The following CARD14 variants were observed in gnomAD, a reference collection of about 807,000 sequenced individuals.
CARD14 encodes the protein caspase recruitment domain family member 14.
Under a neutral mutation model 111.5 loss-of-function variants are expected in CARD14, and 107 were observed. The ratio of observed to expected loss-of-function variants is 0.96; its 90% CI spans 0.82 to 1.13. The LOEUF (loss-of-function observed/expected upper bound fraction) is 1.13. CARD14 is among the 50% of genes most tolerant of loss of function. The pLI, the probability that CARD14 is intolerant of heterozygous loss-of-function variation, is 0.00. For missense variants in CARD14, 1,322 were observed against 1,362.3 expected, an observed-to-expected ratio of 0.97 and a Z score of 0.47; for synonymous variants, 617 against 579.6, an observed-to-expected ratio of 1.06 and a Z score of -0.93.
chr17:80,205,732 G>C, intron 22 of CARD14, 80 bp downstream of exon 22: 1 of 1,402,894 alleles, frequency 7.1e-7, no homozygotes, highest in East Asian at 2.5e-5. Context: ...TGAGATAAAG[G>C]TACAGGGACC....
chr17:80,180,556 C>T (rs947093324), intron 4 of CARD14, among the ~76,000 whole-genome samples: 6 of 152,142 alleles, frequency 3.9e-5, no homozygotes, highest in South Asian at 2.1e-4. Flanking sequence ...CCACCTGCTG[C>T]GTAGTTGAAA....
chr17:80,205,674 G>T, intron 22 of CARD14, 22 bp downstream of exon 22: 1 of 1,518,346 alleles, frequency 6.6e-7, no homozygotes. Context: ...GGCGGGGTGG[G>T]CAGGGGAGCT....
In CARD14 at chr17:80,201,942, C is replaced by A; in HGVS notation, c.1978+72C>A. The A allele has an allele frequency of 6.6e-7, 1 of 1,512,362 alleles. No homozygotes were observed. Among genetic ancestry groups the A allele is most frequent in the South Asian group, 1.3e-5 (1 of 77,298 alleles). 93.7% of individuals were successfully genotyped at this position (1,512,362 alleles called of 1,614,324 possible). On this transcript the variant is annotated intron_variant, in intron 17 of 23. Transcript: ENST00000648509. The surrounding 1 kb of genome is among the most constrained non-coding windows in gnomAD (Gnocchi z 5.0). Reference sequence around the variant, plus strand: ...CATGACCCTTAAGTCCCTGGTGGTTCTTCTGCACGCCCAGCAGCCAGGGAC... The same window carrying A: ...CATGACCCTTAAGTCCCTGGTGGTTATTCTGCACGCCCAGCAGCCAGGGAC...
At chr17:80,176,991 G>T (rs1166415328) in intron 2 of CARD14, among the ~76,000 whole-genome samples, 1 of 152,148 alleles carries the variant, frequency 6.6e-6, no homozygotes, top group Non-Finnish European at 1.5e-5. Flanking sequence ...CCACAAACTG[G>T]GTGGCTTAAA....
chr17:80,178,197 G>T (rs1341620658), intron 2 of CARD14, among the ~76,000 whole-genome samples: 1 of 152,174 alleles, frequency 6.6e-6, no homozygotes, highest in African/African-American at 2.4e-5. Context: ...GGTATGAGTG[G>T]CCTGGCCCTG....
At chr17:80,191,600 C>A in intron 11 of CARD14, 128 bp downstream of exon 11, 1 of 1,155,502 alleles carries the variant, frequency 8.7e-7, no homozygotes, top group Non-Finnish European at 1.2e-6. Context: ...CTGGGCCACA[C>A]GCGGCACCTG....
chr17:80,178,449 G>A (rs2040077768), intron 2 of CARD14, 59 bp from the exon 3 acceptor site: 1 of 152,226 alleles, frequency 6.6e-6, no homozygotes, highest in South Asian at 2.1e-4. Context: ...TTGAGTTTTG[G>A]AACAGGTCAC....
intron 22 of CARD14, 90 bp downstream of exon 22, chr17:80,205,742 C>G: frequency 7.5e-7 from 1 of 1,340,354 alleles, no homozygotes; most frequent in Non-Finnish European, 9.9e-7. Context: ...GTACAGGGAC[C>G]GACCTGAGAC....
chr17:80,188,754 A>G lies in CARD14; in HGVS notation c.843+210A>G. 4.8e-6 allele frequency: 2 copies of G among 414,410 alleles called. No homozygotes were observed. Among genetic ancestry groups the G allele is most frequent in the Non-Finnish European group, 8.0e-6 (2 of 248,958 alleles). 25.7% of individuals were successfully genotyped at this position (414,410 alleles called of 1,614,324 possible). On this transcript the variant is annotated intron_variant, in intron 8 of 23. Coordinates refer to ENST00000648509, the MANE Select transcript of CARD14 (RefSeq NM_001366385.1). The surrounding 1 kb of genome is among the most constrained non-coding windows in gnomAD (Gnocchi z 4.5). ...TGGCAGAATTAAAAGCTGCTGGAACAGAATTAAAAGCTGGAACTGGGCACA... is the reference window on the plus strand; with the variant it reads ...TGGCAGAATTAAAAGCTGCTGGAACGGAATTAAAAGCTGGAACTGGGCACA...
At chr17:80,183,697 G>A (rs536793662) in intron 6 of CARD14, among the ~76,000 whole-genome samples, 1 of 152,150 alleles carries the variant, frequency 6.6e-6, no homozygotes, top group African/African-American at 2.4e-5. Context: ...GTCATGCCTC[G>A]GCCCACCGGC....
rs2040519718 is a variant in CARD14, at chr17:80,191,306, C to A, written c.1090-17C>A. Reference sequence around the variant, plus strand: ...GTGGTGATGGCGCGGCCTCCTTACTCCCGTCGTGGCCCACAGGCGTACTCC... The same window carrying A: ...GTGGTGATGGCGCGGCCTCCTTACTACCGTCGTGGCCCACAGGCGTACTCC... On this transcript the variant is annotated splice_polypyrimidine_tract_variant and intron_variant, in intron 10 of 23. Transcript: ENST00000648509. 1 of 1,601,824 alleles carries A rather than the reference C, an allele frequency of 6.2e-7. No homozygotes were observed. The highest frequency in any genetic ancestry group is 8.5e-7 in the Non-Finnish European group (1 of 1,169,986).
chr17:80,173,887 G>A (rs572555029), intron 2 of CARD14, among the ~76,000 whole-genome samples: 187 of 151,794 alleles, frequency 1.2e-3, no homozygotes, highest in African/African-American at 4.3e-3. Flanking sequence ...GTGAACCATC[G>A]CGCCCAGCCA....
intron 6 of CARD14, 22 bp from the exon 7 acceptor site, chr17:80,183,891 T>C (rs1274813428): frequency 6.9e-7 from 1 of 1,459,172 alleles, no homozygotes; most frequent in Non-Finnish European, 9.1e-7. Flanking sequence ...GCTCACTTGC[T>C]CACCTGCCCA....
chr17:80,180,310 G>C (rs1384065860), intron 4 of CARD14, among the ~76,000 whole-genome samples: 1 of 152,224 alleles, frequency 6.6e-6, no homozygotes, highest in African/African-American at 2.4e-5. Context: ...ATCAGCCCTG[G>C]TGGTGGCCCC....
chr17:80,199,305 C>A (rs112168618), intron 16 of CARD14, among the ~76,000 whole-genome samples: 12,954 of 151,170 alleles, frequency 0.086, 728 homozygotes, highest in Non-Finnish European at 0.13. Context: ...CTGGCCAACA[C>A]GGCGAAACCC....
Position 80,172,893 on chromosome 17 carries a change from T to TTTTTTTTTTTTTTTTTTTTTTTTG in CARD14, c.-689-8_-689-7insTTTTTTTTTTTTTTTTTTGTTTTT. ...CATTCTTTTTTTTTTTTTTTTTTTT[T>TTTTTTTTTTTTTTTTTTTTTTTTG]TTTTTGAGGTAGAGTTTCACTCTGG... is the stretch of plus-strand genomic sequence containing the variant. On this transcript the variant is annotated splice_polypyrimidine_tract_variant and intron_variant, in intron 1 of 23. Transcript: ENST00000648509. 7.1e-6 allele frequency: 1 copy of TTTTTTTTTTTTTTTTTTTTTTTTG among 140,308 alleles called. No homozygotes were observed. The highest frequency in any genetic ancestry group is 7.1e-5 in the Admixed American group (1 of 14,036). The allele number at this position is 140,308 out of a possible 1,614,324, so 8.7% of individuals were successfully genotyped here.
rs2040698642 is a variant in CARD14, at chr17:80,195,957, G to A, written c.1594+305G>A. The A allele has an allele frequency of 3.4e-6, 1 of 298,438 alleles. No individual in the cohort carries two copies. Among genetic ancestry groups the A allele is most frequent in the East Asian group, 6.5e-5 (1 of 15,412 alleles). 18.5% of individuals were successfully genotyped at this position (298,438 alleles called of 1,614,324 possible). ...CCAGCCCCCTGCTCTGATCTGTAAC[G>A]CTTGGGCTTCCCAGTGGTTTCAGAA... On this transcript the variant is annotated intron_variant, in intron 14 of 23. Transcript: ENST00000648509. The surrounding 1 kb of genome is among the most constrained non-coding windows in gnomAD (Gnocchi z 4.7).
chr17:80,208,345 A>T lies in CARD14; in HGVS notation c.3015A>T (p.Ter1005CysextTer86). The T allele has an allele frequency of 6.3e-7, 1 of 1,591,652 alleles. No individual in the cohort carries two copies. Among genetic ancestry groups the T allele is most frequent in the Non-Finnish European group, 8.6e-7 (1 of 1,168,228 alleles). Residue 1005 changes from the stop codon to cysteine, a stop_lost, in exon 24 of 24, where the codon TGA (stop) becomes TGT (cysteine). Transcript: ENST00000648509. Reference sequence around the variant, plus strand: ...TGTGGACGGAGCAGAGCCCCCGATGATGCACCGTGCCCCTTCCCGGGACTG... The same window carrying T: ...TGTGGACGGAGCAGAGCCCCCGATGTTGCACCGTGCCCCTTCCCGGGACTG... ...KVVWTEQSPR* is the reference protein window; with the variant it reads ...KVVWTEQSPRC
chr17:80,194,819 A>C (rs2040651844), intron 12 of CARD14, among the ~76,000 whole-genome samples: 1 of 152,152 alleles, frequency 6.6e-6, no homozygotes, highest in Admixed American at 6.6e-5. Context: ...ACCTGGTCCC[A>C]CCTTTGACAT....
Sources: gnomAD v4.1 joint callset for allele counts (sites outside exome capture counted in the v4.1 genomes callset) on GRCh38, gnomAD v4.1.1 for gene constraint, Gnocchi (gnomAD v3.1) non-coding constraint, MANE v1.5 for transcripts, NCBI Gene and HGNC (gene_info 2026-07-23, HGNC 2026-07-21) for gene names.